The following KCNIP1 variants were observed in gnomAD, a reference collection of about 807,000 sequenced individuals.
KCNIP1 encodes potassium voltage-gated channel interacting protein 1.
In KCNIP1, 18 loss-of-function variants were observed where a neutral mutation model predicts 33.0. The ratio of observed to expected loss-of-function variants is 0.55; its 90% confidence interval spans 0.38 to 0.81. The LOEUF (loss-of-function observed/expected upper bound fraction) is 0.81, where lower values mean the gene tolerates loss of function less well. KCNIP1 is among the 30% of genes least tolerant of loss of function. The probability of loss-of-function intolerance (pLI) is 0.00; values close to 1 mark genes in which losing one functional copy is unlikely to be tolerated. For missense variants in KCNIP1, 238 were observed against 271.6 expected (o/e 0.88, Z 0.87); for synonymous variants, 93 against 98.3 (o/e 0.95, Z 0.32).
chr5:170,589,727 G>GGT (rs1205062279), intron 1 of KCNIP1, among the ~76,000 whole-genome samples: 3 of 71,220 alleles, frequency 4.2e-5, no homozygotes. Flanking sequence ...GGTGTGATGT[G>GGT]GTGTGGTGTG....
At chr5:170,630,635 C>A (rs957330199) in intron 1 of KCNIP1, among the ~76,000 whole-genome samples, 5 of 152,150 alleles carry the variant, frequency 3.3e-5, no homozygotes, top group African/African-American at 1.2e-4. Flanking sequence ...GTACTCTAGG[C>A]AGAGGATGTG....
chr5:170,693,237 C>T (rs896825246), intron 1 of KCNIP1, among the ~76,000 whole-genome samples: 6 of 115,720 alleles, frequency 5.2e-5, no homozygotes, highest in Non-Finnish European at 7.1e-5. Flanking sequence ...TCCCTGGGGA[C>T]GGGCCAGCCC....
chr5:170,654,940 G>A (rs758502018), intron 1 of KCNIP1, among the ~76,000 whole-genome samples: 1 of 152,154 alleles, frequency 6.6e-6, no homozygotes, highest in Non-Finnish European at 1.5e-5. Flanking sequence ...TTACTTTGGA[G>A]TTTGCCAATC....
In KCNIP1 at chr5:170,385,588, T is replaced by A. The variant is rs964036659; in HGVS notation, c.88+31624T>A. On this transcript the variant is annotated intron_variant, in intron 1 of 7. Transcript: ENST00000377360. ...CTATTAATATCACTCTTGTTTATAT[T>A]TGGAGCTTTGCAACTTCCAGAAGTC... 4.1e-6 allele frequency: 4 copies of A among 980,040 alleles called. No individual in the cohort carries two copies. In the African/African-American group the frequency reaches 6.5e-5, roughly 16 times the overall value. 60.7% of individuals were successfully genotyped at this position (980,040 alleles called of 1,614,324 possible).
At chr5:170,470,172 C>CTCCTCTCTTCT (rs1756691284) in intron 1 of KCNIP1, among the ~76,000 whole-genome samples, 1 of 152,142 alleles carries the variant, frequency 6.6e-6, no homozygotes, top group Admixed American at 6.5e-5. Flanking sequence ...ATCTGGCCCC[C>CTCCTCTCTTCT]ACTTTCTCCT....
At chr5:170,670,136 C>G (rs1396837427) in intron 1 of KCNIP1, among the ~76,000 whole-genome samples, 1 of 152,110 alleles carries the variant, frequency 6.6e-6, no homozygotes, top group African/African-American at 2.4e-5. Context: ...TGTGGACCAG[C>G]GCAGAACACA....
chr5:170,437,279 C>T (rs1297454511), intron 1 of KCNIP1, among the ~76,000 whole-genome samples: 1 of 152,164 alleles, frequency 6.6e-6, no homozygotes, highest in Non-Finnish European at 1.5e-5. Flanking sequence ...CTTTTATGGC[C>T]TGCTTCAGGG....
Position 170,505,605 on chromosome 5 carries a change from C to T in KCNIP1, c.61+972C>T, listed in dbSNP as rs536407355. Among the ~76,000 whole-genome samples, 10 of 152,268 alleles carry T rather than the reference C, an allele frequency of 6.6e-5. No individual in the cohort carries two copies. In the East Asian group the frequency reaches 1.7e-3, roughly 26 times the overall value. On this transcript the variant is annotated intron_variant, in intron 1 of 7. Coordinates refer to ENST00000328939, the MANE Select transcript of KCNIP1 (RefSeq NM_014592.4). ...GGGAGTTAAGCTCCTACCCTACAGG[C>T]CTGATAGTGAGTAGAAGTGTAATGG...
Position 170,674,461 on chromosome 5 carries a change from A to T in KCNIP1, c.62-44297A>T, listed in dbSNP as rs138469080. Among the ~76,000 whole-genome samples the T allele has an allele frequency of 1.1e-3, 170 of 152,344 alleles. 1 individual carries two copies. The highest frequency in any genetic ancestry group is 4.0e-3 in the African/African-American group (165 of 41,584). On this transcript the variant is annotated intron_variant, in intron 1 of 7. Transcript: ENST00000328939. ...CAATCCACAGGAACATGGTGCAGTC[A>T]TTAATGAATGTGCTCATTATTCCTC...
intron 1 of KCNIP1, among the ~76,000 whole-genome samples, chr5:170,635,428 C>T (rs571964161): frequency 6.6e-6 from 1 of 152,320 alleles, no homozygotes; most frequent in East Asian, 1.9e-4. Context: ...TTCCCTCACT[C>T]CCCTGTCCAA....
chr5:170,423,658 A>G (rs1755546896), intron 1 of KCNIP1, among the ~76,000 whole-genome samples: 1 of 152,194 alleles, frequency 6.6e-6, no homozygotes, highest in African/African-American at 2.4e-5. Flanking sequence ...CTCACAGCAT[A>G]TTGGAAAAAT....
intron 1 of KCNIP1, among the ~76,000 whole-genome samples, chr5:170,563,086 C>G (rs1757090562): frequency 1.3e-5 from 2 of 152,202 alleles, no homozygotes; most frequent in African/African-American, 4.8e-5. Flanking sequence ...CTGCAGAAGA[C>G]CTGCTAGGAG....
At chr5:170,645,690 G>A (rs1272609178) in intron 1 of KCNIP1, among the ~76,000 whole-genome samples, 1 of 151,858 alleles carries the variant, frequency 6.6e-6, no homozygotes, top group African/African-American at 2.4e-5. Flanking sequence ...AACCCACATG[G>A]GACGTTCACC....
At chr5:170,687,102 T>C (rs1762561715) in intron 1 of KCNIP1, among the ~76,000 whole-genome samples, 1 of 152,172 alleles carries the variant, frequency 6.6e-6, no homozygotes, top group Admixed American at 6.5e-5. Flanking sequence ...GGACTCTGGC[T>C]GCTCGTCAAT....
chr5:170,384,712 T>C lies in KCNIP1; in HGVS notation c.88+30748T>C, dbSNP rs1381062312. Among the ~76,000 whole-genome samples, 3 of 152,294 alleles carry C rather than the reference T, an allele frequency of 2.0e-5. No individual in the cohort carries two copies. In the East Asian group the frequency reaches 5.8e-4, roughly 29 times the overall value. On this transcript the variant is annotated intron_variant, in intron 1 of 7. Coordinates refer to the KCNIP1 transcript ENST00000377360. Reference sequence around the variant, plus strand: ...TCTTTGTTCCAAATAGAACACGAATTAGGAATTCACAGCTTTTCCTTAAAA... The same window carrying C: ...TCTTTGTTCCAAATAGAACACGAATCAGGAATTCACAGCTTTTCCTTAAAA...
chr5:170,473,614 T>C (rs1234812472), intron 1 of KCNIP1, among the ~76,000 whole-genome samples: 1 of 152,140 alleles, frequency 6.6e-6, no homozygotes, highest in Non-Finnish European at 1.5e-5. Context: ...CCAGGGCCCC[T>C]GGCAGCTCAG....
intron 1 of KCNIP1, among the ~76,000 whole-genome samples, chr5:170,399,242 G>A (rs1330117011): frequency 6.6e-6 from 1 of 152,192 alleles, no homozygotes; most frequent in South Asian, 2.1e-4. Flanking sequence ...GTACAGGCTT[G>A]CTGGGAGATG....
intron 1 of KCNIP1, among the ~76,000 whole-genome samples, chr5:170,380,789 T>C (rs1388469360): frequency 1.3e-5 from 2 of 152,164 alleles, no homozygotes; most frequent in African/African-American, 4.8e-5. Flanking sequence ...TAAATAGCAG[T>C]GTGGCTATGG....
Position 170,736,063 on chromosome 5 carries a change from T to C in KCNIP1, c.*257T>C. 1 of 528,944 alleles carries C rather than the reference T, an allele frequency of 1.9e-6. No individual in the cohort carries two copies. 32.8% of individuals were successfully genotyped at this position (528,944 alleles called of 1,614,324 possible). A position where few individuals can be genotyped will look rare whatever the true frequency, so the allele number is the denominator to read the frequency against. Reference sequence around the variant, plus strand: ...TGAGTTTGTTTTGGAAGCATGCTCATCTCCTCACACTGCTGCCCTATGGAA... The same window carrying C: ...TGAGTTTGTTTTGGAAGCATGCTCACCTCCTCACACTGCTGCCCTATGGAA... On this transcript the variant is annotated 3_prime_UTR_variant, in exon 8 of 8. Transcript: ENST00000328939.
Sources: gnomAD v4.1 joint callset for allele counts (sites outside exome capture counted in the v4.1 genomes callset) on GRCh38, gnomAD v4.1.1 for gene constraint, MANE v1.5 for transcripts, NCBI Gene and HGNC (gene_info 2026-07-23, HGNC 2026-07-21) for gene names.